The following ENOX2 variants were observed in gnomAD, a reference collection of about 807,000 sequenced individuals.
The protein encoded by ENOX2 is APK1 antigen.
A neutral mutation model predicts 45.0 loss-of-function variants in ENOX2; 36 were observed. That is an observed-to-expected ratio of 0.80 (90% CI 0.61 to 1.06). The LOEUF (loss-of-function observed/expected upper bound fraction) is 1.06. ENOX2 is among the 50% of genes least tolerant of loss of function. The pLI is 0.00. For missense variants in ENOX2, 423 were observed against 462.5 expected, an observed-to-expected ratio of 0.91 and a Z score of 0.78; for synonymous variants, 174 against 152.3, an observed-to-expected ratio of 1.14 and a Z score of -1.05.
chrX:130,750,593 T>C (rs1245498933), intron 3 of ENOX2, among the ~76,000 whole-genome samples: 1 of 111,606 alleles, frequency 9.0e-6, no homozygotes, highest in African/African-American at 3.3e-5. Flanking sequence ...GTTTCTTGTC[T>C]TTTGGCCTAT....
chrX:130,832,440 T>TACACACACATACAC (rs1556500606), intron 2 of ENOX2, among the ~76,000 whole-genome samples: 3 of 91,066 alleles, frequency 3.3e-5, no homozygotes, highest in African/African-American at 1.2e-4. Flanking sequence ...CACACACACA[T>TACACACACATACAC]ACACACACAC....
intron 2 of ENOX2, among the ~76,000 whole-genome samples, chrX:130,897,678 A>AC (rs888127598): frequency 2.2e-3 from 249 of 111,731 alleles, no homozygotes; most frequent in African/African-American, 7.8e-3. Context: ...CTGGCCAAAG[A>AC]CCCCCCAAAA....
intron 2 of ENOX2, among the ~76,000 whole-genome samples, chrX:130,833,011 TCACACACACACACACA>T (rs10568834): frequency 9.6e-5 from 8 of 82,983 alleles, no homozygotes; most frequent in Non-Finnish European, 1.7e-4. Flanking sequence ...TCATGTATAA[TCACACACACACACACA>T]CACACACACA....
At chrX:130,694,420 T>C (rs1423733130) in intron 4 of ENOX2, among the ~76,000 whole-genome samples, 2 of 110,944 alleles carry the variant, frequency 1.8e-5, no homozygotes, top group Non-Finnish European at 3.8e-5. Flanking sequence ...CATTGTTCAG[T>C]TGGAACAATG....
rs746021523 is a variant in ENOX2 at position 130,632,649 on chromosome X, GA to G, written c.1420-1074del. On this transcript the variant is annotated intron_variant, in intron 12 of 14. Coordinates refer to ENST00000394363, the MANE Select transcript of ENOX2 (RefSeq NM_006375.4). ...CTTCTTCTCTTTCCACAAACCCTTA[GA>G]AGGGACAGGATTCCTTCTGTTTTCT... Among the ~76,000 whole-genome samples, 4 of 111,818 alleles carry G rather than the reference GA, an allele frequency of 3.6e-5. No individual in the cohort carries two copies. The East Asian group carries it at 1.1e-3, about 31-fold the overall frequency.
At chrX:130,892,109 C>T (rs1243741573) in intron 2 of ENOX2, among the ~76,000 whole-genome samples, 2 of 111,712 alleles carry the variant, frequency 1.8e-5, no homozygotes, top group Non-Finnish European at 3.8e-5. Context: ...TCAGTAAAGA[C>T]CGATGAAAGC....
intron 2 of ENOX2, among the ~76,000 whole-genome samples, chrX:130,866,956 G>A (rs1004175871): frequency 1.8e-5 from 2 of 108,625 alleles, no homozygotes; most frequent in Admixed American, 9.9e-5. Context: ...AAGAGCCTTT[G>A]GTTTTTGTAG....
chrX:130,804,910 G>A (rs999526815), intron 2 of ENOX2, among the ~76,000 whole-genome samples: 1 of 111,343 alleles, frequency 9.0e-6, no homozygotes, highest in African/African-American at 3.3e-5. Context: ...TTCATAGGTT[G>A]AAACCTAATC....
intron 2 of ENOX2, among the ~76,000 whole-genome samples, chrX:130,843,231 G>A (rs1200320077): frequency 9.0e-6 from 1 of 111,302 alleles, no homozygotes; most frequent in Non-Finnish European, 1.9e-5. Context: ...CCAGAAACCT[G>A]GGAGTTATCC....
At chrX:130,730,257 G>C (rs1329429781) in intron 3 of ENOX2, among the ~76,000 whole-genome samples, 1 of 112,409 alleles carries the variant, frequency 8.9e-6, no homozygotes, top group Non-Finnish European at 1.9e-5. Context: ...GCAGTAGCTG[G>C]TGGGGACAGG....
At chrX:130,709,365 T>C in intron 3 of ENOX2, 1 of 941,277 alleles carries the variant, frequency 1.1e-6, no homozygotes, top group South Asian at 2.0e-5. Flanking sequence ...CAGCTGGGCG[T>C]GGTAGCTCAT....
Position 130,824,674 on chromosome X carries a change from A to G in ENOX2, c.-182-40984T>C, listed in dbSNP as rs749873298. On this transcript the variant is annotated intron_variant, in intron 2 of 14. Transcript: ENST00000394363. ...AGCATGAGGGATTAGTATCCTTCAA[A>G]TCAATAACAAAAAGACTAACAACCA... Among the ~76,000 whole-genome samples, 3 of 111,902 alleles carry G rather than the reference A, an allele frequency of 2.7e-5. No individual in the cohort carries two copies. In the East Asian group the frequency reaches 8.4e-4, roughly 31 times the overall value.
At chrX:130,760,230 G>A (rs1416646817) in intron 3 of ENOX2, among the ~76,000 whole-genome samples, 2 of 110,975 alleles carry the variant, frequency 1.8e-5, no homozygotes, top group Non-Finnish European at 3.8e-5. Context: ...TAGATTTCTT[G>A]GGATTTTCTA....
In ENOX2 at chrX:130,637,289, A is replaced by T. The variant is rs1415238898; in HGVS notation, c.1251T>A (p.Asp417Glu). ...KQEQGKVHRE[D>E]DPNKEQQLKL... ...TCAGCTGCTGTTCTTTGTTAGGGTC[A>T]TCTTCTCTGTGGACTTTGCCTTGTT... Residue 417 changes from aspartate (D) to glutamate (E), a missense_variant, in exon 11 of 15, where the codon GAT becomes GAA. Transcript: ENST00000394363. The T allele has an allele frequency of 1.7e-6, 2 of 1,211,062 alleles. No individual in the cohort carries two copies. The highest frequency in any genetic ancestry group is 1.7e-5 in the African/African-American group (1 of 57,681).
intron 2 of ENOX2, among the ~76,000 whole-genome samples, chrX:130,856,844 A>G (rs2078316099): frequency 8.9e-6 from 1 of 111,733 alleles, no homozygotes; most frequent in Non-Finnish European, 1.9e-5. Flanking sequence ...GTCAATAACA[A>G]AGAAGTATCT....
intron 6 of ENOX2, among the ~76,000 whole-genome samples, chrX:130,677,432 T>C (rs752921608): frequency 5.3e-5 from 6 of 112,347 alleles, no homozygotes; most frequent in Admixed American, 9.4e-5. Flanking sequence ...AAAAAAGATG[T>C]TCAATAAGTA....
At chrX:130,668,912 T>C (rs2036908120) in intron 7 of ENOX2, among the ~76,000 whole-genome samples, 1 of 112,426 alleles carries the variant, frequency 8.9e-6, no homozygotes. Flanking sequence ...AGGCAAGTCT[T>C]GGACCTGGCG....
intron 6 of ENOX2, 70 bp from the exon 7 acceptor site, chrX:130,670,268 CAGAGACAG>C: frequency 1.4e-6 from 1 of 721,141 alleles, no homozygotes; most frequent in Non-Finnish European, 2.1e-6. Context: ...GAGAGAGAGA[CAGAGACAG>C]AGAGAGAGAG....
intron 2 of ENOX2, among the ~76,000 whole-genome samples, chrX:130,797,951 A>G (rs1164998889): frequency 1.8e-5 from 2 of 111,038 alleles, no homozygotes; most frequent in Non-Finnish European, 3.8e-5. Flanking sequence ...GCCCTGGAGG[A>G]GATCAAGACT....
Sources: gnomAD v4.1 joint callset for allele counts (sites outside exome capture counted in the v4.1 genomes callset) on GRCh38, gnomAD v4.1.1 for gene constraint, MANE v1.5 for transcripts, NCBI Gene and HGNC (gene_info 2026-07-23, HGNC 2026-07-21) for gene names.